Variants in ARHGEF7 observed in about 807,000 individuals in gnomAD.
ARHGEF7 encodes Rho guanine nucleotide exchange factor 7.
In ARHGEF7, 33 loss-of-function variants were observed where a neutral mutation model predicts 109.8. The ratio of observed to expected loss-of-function variants is 0.30; its 90% CI spans 0.23 to 0.40. ARHGEF7 has a LOEUF of 0.40. Among genes scored for constraint, ARHGEF7 ranks in the 10% least tolerant of loss-of-function variants. The pLI is 1.00. For missense variants in ARHGEF7, 938 were observed against 1,098.5 expected, an observed-to-expected ratio of 0.85 and a Z score of 2.07; for synonymous variants, 458 against 424.6, an observed-to-expected ratio of 1.08 and a Z score of -0.97.
chr13:111,120,343 G>A (rs75026149), intron 1 of ARHGEF7, among the ~76,000 whole-genome samples: 14,637 of 152,264 alleles, frequency 0.096, 754 homozygotes, highest in Non-Finnish European at 0.11. Context: ...ACAGACACAG[G>A]AGAGCACACA....
At chr13:111,171,854 C>T (rs1183900763) in intron 2 of ARHGEF7, among the ~76,000 whole-genome samples, 1 of 152,102 alleles carries the variant, frequency 6.6e-6, no homozygotes, top group Non-Finnish European at 1.5e-5. Context: ...GGTTAGTGCT[C>T]ATATAAAAGA....
intron 1 of ARHGEF7, among the ~76,000 whole-genome samples, chr13:111,123,866 C>T (rs1053041683): frequency 1.8e-5 from 1 of 55,520 alleles, no homozygotes; most frequent in African/African-American, 6.3e-5. Context: ...GGCTGCGCCC[C>T]CCCCCCCCGG....
upstream of ARHGEF7, chr13:111,115,103 T>TCCGCTCC (rs1164913525): frequency 1.5e-5 from 2 of 134,372 alleles, no homozygotes; most frequent in East Asian, 2.6e-4. Context: ...TCCCTCCCCA[T>TCCGCTCC]CCGCTCCCCG....
At chr13:111,296,973 G>C (rs1164319607) in intron 19 of ARHGEF7, among the ~76,000 whole-genome samples, 2 of 152,234 alleles carry the variant, frequency 1.3e-5, no homozygotes, top group Non-Finnish European at 2.9e-5. Flanking sequence ...AATAAAGCGA[G>C]AGAACATTAT....
chr13:111,232,042 G>A (rs559554338), intron 5 of ARHGEF7, among the ~76,000 whole-genome samples: 26 of 152,240 alleles, frequency 1.7e-4, no homozygotes, highest in African/African-American at 6.0e-4. Flanking sequence ...CAGAACCAAT[G>A]TTAGATGTAC....
chr13:111,288,870 A>G (rs998709418), intron 18 of ARHGEF7, among the ~76,000 whole-genome samples: 1 of 152,230 alleles, frequency 6.6e-6, no homozygotes, highest in African/African-American at 2.4e-5. Flanking sequence ...TCCAAAATAC[A>G]AACCTTGAGC....
intron 1 of ARHGEF7, among the ~76,000 whole-genome samples, chr13:111,133,552 G>A (rs1175001659): frequency 1.3e-5 from 2 of 151,288 alleles, no homozygotes; most frequent in Non-Finnish European, 2.9e-5. Context: ...TGATGTCACT[G>A]ACATCAGAAT....
At chr13:111,252,964 A>G (rs1343822657) in intron 8 of ARHGEF7, among the ~76,000 whole-genome samples, 1 of 152,240 alleles carries the variant, frequency 6.6e-6, no homozygotes, top group African/African-American at 2.4e-5. Flanking sequence ...CTGCTGCCCT[A>G]AGGCAGCCCC....
intron 12 of ARHGEF7, among the ~76,000 whole-genome samples, chr13:111,276,823 G>T (rs60265890): frequency 0.022 from 3,342 of 152,254 alleles, 124 homozygotes; most frequent in African/African-American, 0.077. Flanking sequence ...TAATTCCTAG[G>T]ACTGATTTCA....
At chr13:111,151,206 A>G (rs1258620787) in intron 1 of ARHGEF7, among the ~76,000 whole-genome samples, 2 of 152,266 alleles carry the variant, frequency 1.3e-5, no homozygotes, top group Non-Finnish European at 2.9e-5. Context: ...CAGTCTCATC[A>G]GCATTGAAAA....
At chr13:111,274,821 C>G (rs764720945) in intron 11 of ARHGEF7, 31 bp downstream of exon 11, 15 of 1,339,520 alleles carry the variant, frequency 1.1e-5, no homozygotes, top group Non-Finnish European at 1.5e-5. Context: ...TTTTCCCCCC[C>G]AGACATTATT....
chr13:111,204,421 G>A (rs145164958), intron 2 of ARHGEF7, among the ~76,000 whole-genome samples: 15 of 152,312 alleles, frequency 9.8e-5, no homozygotes, highest in African/African-American at 3.4e-4. Context: ...AGTTGTGGAC[G>A]ATTTGACTGT....
chr13:111,144,884 C>A (rs1277075321), intron 1 of ARHGEF7, among the ~76,000 whole-genome samples: 1 of 152,126 alleles, frequency 6.6e-6, no homozygotes, highest in East Asian at 1.9e-4. Context: ...TCAAAGGGTA[C>A]AATAAGTAGA....
chr13:111,168,014 C>T (rs1030040610), intron 2 of ARHGEF7, among the ~76,000 whole-genome samples: 1 of 152,172 alleles, frequency 6.6e-6, no homozygotes, highest in African/African-American at 2.4e-5. Context: ...AGCAGGGTGA[C>T]TGTCCAGCCT....
intron 2 of ARHGEF7, among the ~76,000 whole-genome samples, chr13:111,167,747 T>G (rs2077243923): frequency 6.6e-6 from 1 of 152,244 alleles, no homozygotes; most frequent in Non-Finnish European, 1.5e-5. Flanking sequence ...GAGCCACTGT[T>G]GAATGCTGAG....
intron 2 of ARHGEF7, among the ~76,000 whole-genome samples, chr13:111,172,498 AT>A (rs1431135896): frequency 2.0e-5 from 3 of 152,186 alleles, no homozygotes; most frequent in Non-Finnish European, 4.4e-5. Context: ...TGATCACCTC[AT>A]CCTGTGACAG....
At chr13:111,116,864 A>AT (rs1431598189) in intron 1 of ARHGEF7, among the ~76,000 whole-genome samples, 6 of 152,162 alleles carry the variant, frequency 3.9e-5, no homozygotes, top group African/African-American at 1.4e-4. Context: ...ACTTTTAGCT[A>AT]TTTTTCTTAC....
intron 19 of ARHGEF7, 159 bp downstream of exon 19, chr13:111,292,453 G>C (rs2093319058): frequency 9.0e-6 from 13 of 1,450,050 alleles, no homozygotes; most frequent in Non-Finnish European, 1.2e-5. Flanking sequence ...GAGTGTTCCT[G>C]ATATTTCCCA....
chr13:111,206,054 C>G (rs2081794311), intron 3 of ARHGEF7, among the ~76,000 whole-genome samples: 2 of 152,064 alleles, frequency 1.3e-5, no homozygotes, highest in Admixed American at 1.3e-4. Context: ...CTGTGTGGCT[C>G]AAAAGGAAGG....
Sources: gnomAD v4.1 joint callset for allele counts (sites outside exome capture counted in the v4.1 genomes callset) on GRCh38, gnomAD v4.1.1 for gene constraint, MANE v1.5 for transcripts, NCBI Gene and HGNC (gene_info 2026-07-23, HGNC 2026-07-21) for gene names.